The following SCG3 variants were observed in gnomAD, a reference collection of about 807,000 sequenced individuals.
SCG3 encodes secretogranin-3.
A neutral mutation model predicts 56.2 loss-of-function variants in SCG3; 38 were observed. The ratio of observed to expected loss-of-function variants is 0.68; its 90% CI spans 0.52 to 0.89. The LOEUF is 0.89. SCG3 is among the 40% of genes least tolerant of loss of function. The probability of loss-of-function intolerance (pLI) is 0.00; values close to 1 mark genes in which losing one functional copy is unlikely to be tolerated. For synonymous variants in SCG3, 176 were observed against 184.2 expected (o/e 0.96, Z 0.36); for missense variants, 524 against 540.7 (o/e 0.97, Z 0.31).
chr15:51,683,290 G>GA lies in SCG3; in HGVS notation c.259dup (p.Ile87AsnfsTer2), dbSNP rs181896248. On this transcript the variant is annotated frameshift_variant, in exon 4 of 12. Coordinates refer to ENST00000220478, the MANE Select transcript of SCG3 (RefSeq NM_013243.4). LOFTEE classifies it high-confidence loss of function. ...CCTGCTAAAGGCAATAACAGAAAAG[G>GA]AAAAAATTGAGAAAGAAAGACAATC... 3 of 1,613,780 alleles carry GA rather than the reference G, an allele frequency of 1.9e-6. No individual in the cohort carries two copies. Among genetic ancestry groups the GA allele is most frequent in the African/African-American group, 1.3e-5 (1 of 75,010 alleles).
Position 51,688,135 on chromosome 15 carries a change from A to G in SCG3, c.398-125A>G, listed in dbSNP as rs556798785. 26 of 907,474 alleles carry G rather than the reference A, an allele frequency of 2.9e-5. No individual in the cohort carries two copies. The East Asian group carries it at 7.0e-4, about 25-fold the overall frequency. The allele number at this position is 907,474 out of a possible 1,614,324, so 56.2% of individuals were successfully genotyped here. The stretch of plus-strand genomic sequence containing the variant: ...AACCGAGGGTTTCTGTGGACCGAGA[A>G]CCACCATAAATACATTTCAAACATA... On this transcript the variant is annotated intron_variant, in intron 4 of 11. Coordinates refer to ENST00000220478, the MANE Select transcript of SCG3 (RefSeq NM_013243.4).
At chr15:51,698,451 A>G (rs1388419775) in intron 8 of SCG3, among the ~76,000 whole-genome samples, 2 of 152,220 alleles carry the variant, frequency 1.3e-5, no homozygotes, top group African/African-American at 4.8e-5. Context: ...AAGTAGGGAA[A>G]TGCTCCTTAA....
At position 51,683,414 on chromosome 15, in the gene SCG3, G is replaced by C; in HGVS notation, c.377G>C (p.Gly126Ala). Residue 126 changes from glycine (G) to alanine (A), a missense_variant, in exon 4 of 12, where the codon GGA (glycine) becomes GCA (alanine). Gly to Ala is a moderately conservative substitution (Grantham distance 60). Coordinates refer to ENST00000220478, the MANE Select transcript of SCG3 (RefSeq NM_013243.4). ...LIDDYDSTKS[G>A]LDHKFQDDPD... ...GATGATTATGACTCTACTAAGAGTGGATTGGATCATAAATTTCAAGGTAAA... is the reference window on the plus strand; with the variant it reads ...GATGATTATGACTCTACTAAGAGTGCATTGGATCATAAATTTCAAGGTAAA... The C allele has an allele frequency of 1.9e-6, 3 of 1,599,994 alleles. No homozygotes were observed. Among genetic ancestry groups the C allele is most frequent in the Non-Finnish European group, 2.6e-6 (3 of 1,175,286 alleles).
At chr15:51,714,477 G>A (rs2055440761) in intron 11 of SCG3, among the ~76,000 whole-genome samples, 1 of 152,198 alleles carries the variant, frequency 6.6e-6, no homozygotes, top group South Asian at 2.1e-4. Flanking sequence ...GGAGAAGGAG[G>A]ATTCTGACAC....
At chr15:51,702,969 C>T (rs1478984421) in intron 10 of SCG3, among the ~76,000 whole-genome samples, 1 of 152,110 alleles carries the variant, frequency 6.6e-6, no homozygotes, top group Non-Finnish European at 1.5e-5. Flanking sequence ...GATTCATCTG[C>T]AGAGTTTATT....
At chr15:51,707,060 G>A (rs117388689) in intron 10 of SCG3, among the ~76,000 whole-genome samples, 1,858 of 152,132 alleles carry the variant, frequency 0.012, 17 homozygotes, top group Middle Eastern at 0.024. Context: ...TCTAAGTGTG[G>A]TTCTTTTTGC....
intron 10 of SCG3, 92 bp downstream of exon 10, chr15:51,701,336 T>C: frequency 7.6e-7 from 1 of 1,312,440 alleles, no homozygotes; most frequent in South Asian, 1.5e-5. Flanking sequence ...GCAAGCTCCA[T>C]CACATCTGAG....
At chr15:51,681,890 G>T (rs961644755) in intron 1 of SCG3, 53 bp downstream of exon 1, 2 of 1,470,094 alleles carry the variant, frequency 1.4e-6, no homozygotes, top group Non-Finnish European at 1.9e-6. Context: ...CCACGAAAAG[G>T]TAAAGTTTGG....
chr15:51,684,014 A>G (rs542221591), intron 4 of SCG3, among the ~76,000 whole-genome samples: 40 of 152,210 alleles, frequency 2.6e-4, no homozygotes, highest in Non-Finnish European at 5.0e-4. Context: ...TAGCATGCCC[A>G]TGATTAAACT....
At chr15:51,717,516 C>G (rs2055465585) in intron 11 of SCG3, among the ~76,000 whole-genome samples, 1 of 141,404 alleles carries the variant, frequency 7.1e-6, no homozygotes, top group African/African-American at 2.7e-5. Flanking sequence ...CTGGGTAAAA[C>G]AGTGAGACCC....
intron 4 of SCG3, among the ~76,000 whole-genome samples, chr15:51,687,532 G>A (rs1427314123): frequency 6.6e-6 from 1 of 152,198 alleles, no homozygotes; most frequent in African/African-American, 2.4e-5. Flanking sequence ...GGAGAGCCAA[G>A]GGAGCATATG....
At chr15:51,714,109 A>G (rs1870690408) in intron 11 of SCG3, among the ~76,000 whole-genome samples, 1 of 152,206 alleles carries the variant, frequency 6.6e-6, no homozygotes, top group South Asian at 2.1e-4. Context: ...ATAAAGGGAC[A>G]AAACAGAGGG....
intron 10 of SCG3, among the ~76,000 whole-genome samples, chr15:51,703,403 T>C (rs995587641): frequency 1.3e-5 from 2 of 152,222 alleles, no homozygotes; most frequent in African/African-American, 2.4e-5. Flanking sequence ...CTTTTTATAT[T>C]ACTATTACCT....
intron 10 of SCG3, among the ~76,000 whole-genome samples, chr15:51,709,730 TTTTTTTTTG>T (rs2055407002): frequency 1.3e-5 from 1 of 76,230 alleles, no homozygotes; most frequent in South Asian, 5.4e-4. Context: ...TTTTTTTTTT[TTTTTTTTTG>T]AGACAGAGTC....
Position 51,699,265 on chromosome 15 carries a change from T to A in SCG3, c.986-54T>A, listed in dbSNP as rs774700538. 2.3e-6 allele frequency: 3 copies of A among 1,292,076 alleles called. No individual in the cohort carries two copies. In the East Asian group the frequency reaches 7.0e-5, roughly 30 times the overall value. 80.0% of individuals were successfully genotyped at this position (1,292,076 alleles called of 1,614,324 possible). ...GAGATTTAAACATTTTTCGTAAAAA[T>A]TTGATGTCATCTCTCAGGGAATAAA... On this transcript the variant is annotated intron_variant, in intron 8 of 11. Transcript: ENST00000220478.
In SCG3 at chr15:51,720,120, C is replaced by A. The variant is rs2055486922; in HGVS notation, c.*594C>A. On this transcript the variant is annotated 3_prime_UTR_variant, in exon 12 of 12. Transcript: ENST00000220478. ...GTATAGGATTTGCTGGATTTACTAACAATTTCCCCCTGTTCTTAACACTTC... is the reference window on the plus strand; with the variant it reads ...GTATAGGATTTGCTGGATTTACTAAAAATTTCCCCCTGTTCTTAACACTTC... 1 of 152,274 alleles carries A rather than the reference C, an allele frequency of 6.6e-6. No homozygotes were observed. The highest frequency in any genetic ancestry group is 2.1e-4 in the South Asian group (1 of 4,836). The allele number at this position is 152,274 out of a possible 1,614,324, so 9.4% of individuals were successfully genotyped here.
chr15:51,696,057 G>A, intron 8 of SCG3, 66 bp downstream of exon 8: 2 of 879,798 alleles, frequency 2.3e-6, no homozygotes, highest in East Asian at 2.4e-5. Flanking sequence ...TTAGGGACTT[G>A]GCAATAATGA....
Position 51,681,798 on chromosome 15 carries a change from C to T in SCG3, c.43C>T (p.Leu15Phe), listed in dbSNP as rs2055196341. The stretch of plus-strand genomic sequence containing the variant: ...CGGCACTTGGATTCTGGTGTTAGTG[C>T]TCCCGATTCAAGCTTTCCCCAAACC... ...GTGTWILVLV[L>F]PIQAFPKPGG... is the part of the protein sequence containing the mutation. Residue 15 changes from leucine (L) to phenylalanine (F), a missense_variant, in exon 1 of 12, where the codon CTC (leucine) becomes TTC (phenylalanine). By Grantham distance (22) the Leu-to-Phe change is conservative (BLOSUM62 0). Coordinates refer to ENST00000220478, the MANE Select transcript of SCG3 (RefSeq NM_013243.4). The T allele has an allele frequency of 6.2e-7, 1 of 1,614,020 alleles. No homozygotes were observed. Among genetic ancestry groups the T allele is most frequent in the Non-Finnish European group, 8.5e-7 (1 of 1,180,016 alleles).
At chr15:51,716,733 G>A (rs924195893) in intron 11 of SCG3, among the ~76,000 whole-genome samples, 3 of 152,204 alleles carry the variant, frequency 2.0e-5, no homozygotes, top group South Asian at 2.1e-4. Flanking sequence ...TTCTGCAGCC[G>A]ACACTAGCTG....
Sources: gnomAD v4.1 joint callset for allele counts (sites outside exome capture counted in the v4.1 genomes callset) on GRCh38, gnomAD v4.1.1 for gene constraint, MANE v1.5 for transcripts, NCBI Gene and HGNC (gene_info 2026-07-23, HGNC 2026-07-21) for gene names.